The following KNDC1 variants were observed in gnomAD, a reference collection of about 807,000 sequenced individuals.
KNDC1 encodes the protein kinase non-catalytic C-lobe domain-containing protein 1.
A neutral mutation model predicts 172.8 loss-of-function variants in KNDC1; 106 were observed. That is an observed-to-expected ratio of 0.61 (90% confidence interval 0.52 to 0.72). The LOEUF (loss-of-function observed/expected upper bound fraction) is 0.72, where lower values mean the gene tolerates loss of function less well. KNDC1 is among the 30% of genes least tolerant of loss of function. KNDC1 has a pLI of 0.00. For missense variants in KNDC1, 2,325 were observed against 2,394.5 expected (o/e 0.97, Z 0.61); for synonymous variants, 1,083 against 1,062.2 (o/e 1.02, Z -0.38).
Position 133,222,172 on chromosome 10 carries a change from A to G in KNDC1, c.5018+2060A>G, listed in dbSNP as rs1428853897. ...GTGGCGGGCGCCTGTAGTCCCAGCTACTCGGGAGGCTGAGGCAGGAGAATG... is the reference window on the plus strand; with the variant it reads ...GTGGCGGGCGCCTGTAGTCCCAGCTGCTCGGGAGGCTGAGGCAGGAGAATG... On this transcript the variant is annotated intron_variant, in intron 29 of 29. Coordinates refer to ENST00000304613, the MANE Select transcript of KNDC1 (RefSeq NM_152643.8). 5.4e-5 allele frequency among the ~76,000 whole-genome samples: 8 copies of G among 149,042 alleles called. No homozygotes were observed. In the East Asian group the frequency reaches 1.6e-3, roughly 30 times the overall value.
At chr10:133,189,860 G>T in intron 9 of KNDC1, 47 bp downstream of exon 9, 1 of 1,444,748 alleles carries the variant, frequency 6.9e-7, no homozygotes, top group Non-Finnish European at 9.5e-7. Context: ...CCCAGCCCTC[G>T]GGGATGCCAC....
chr10:133,169,586 G>T (rs574289566), intron 3 of KNDC1, among the ~76,000 whole-genome samples: 1 of 152,374 alleles, frequency 6.6e-6, no homozygotes, highest in East Asian at 1.9e-4. Context: ...CTCTGCTGCG[G>T]GGGTCCTACA....
chr10:133,208,878 C>T (rs1230130650), intron 20 of KNDC1, among the ~76,000 whole-genome samples: 2 of 151,942 alleles, frequency 1.3e-5, no homozygotes, highest in Non-Finnish European at 2.9e-5. Context: ...TGTATTTAGG[C>T]TTGTATGGAG....
At chr10:133,184,572 C>A (rs1293744723) in intron 5 of KNDC1, among the ~76,000 whole-genome samples, 1 of 152,256 alleles carries the variant, frequency 6.6e-6, no homozygotes. Flanking sequence ...CTGCACACGC[C>A]CACACCAGAA....
chr10:133,219,409 G>A (rs1845535507), intron 28 of KNDC1, among the ~76,000 whole-genome samples: 1 of 152,246 alleles, frequency 6.6e-6, no homozygotes, highest in African/African-American at 2.4e-5. Flanking sequence ...CTCCAGGACG[G>A]CAGGGGTGGC....
chr10:133,177,646 CATG>C lies in KNDC1; in HGVS notation c.361-5694_361-5692del, dbSNP rs1275362886. Among the ~76,000 whole-genome samples, 49 of 151,722 alleles carry C rather than the reference CATG, an allele frequency of 3.2e-4. No individual in the cohort carries two copies. The East Asian group carries it at 5.6e-3, about 17-fold the overall frequency. On this transcript the variant is annotated intron_variant, in intron 3 of 29. Transcript: ENST00000304613. Reference sequence around the variant, plus strand: ...TAGTGTGTTGTGAGCATGTGTGTTGCATGATGTGTACATGCATGTGGTGTGTAT... The same window carrying C: ...TAGTGTGTTGTGAGCATGTGTGTTGCATGTGTACATGCATGTGGTGTGTAT...
At chr10:133,204,486 C>G (rs904398700) in intron 17 of KNDC1, among the ~76,000 whole-genome samples, 4 of 152,154 alleles carry the variant, frequency 2.6e-5, no homozygotes, top group Admixed American at 2.0e-4. Flanking sequence ...CTGCAGAGGC[C>G]TGGTCTTTAC....
At position 133,207,208 on chromosome 10, in the gene KNDC1, C is replaced by T. The variant is rs34928427; in HGVS notation, c.3651C>T (p.Pro1217=). Residue 1217 remains proline, a synonymous_variant, in exon 20 of 30, where the codon CCC becomes CCT. Coordinates refer to ENST00000304613, the MANE Select transcript of KNDC1 (RefSeq NM_152643.8). ...TGATCGTGAACATCGCGGCCGCACC[C>T]TGCGACACGCTGGACTTCAGCCCCC... ...LPVIVNIAAA[P]CDTLDFSPLD... is the part of the protein sequence containing the mutation. The T allele has an allele frequency of 1.6e-5, 26 of 1,612,100 alleles. No homozygotes were observed. Among genetic ancestry groups the T allele is most frequent in the Non-Finnish European group, 2.2e-5 (26 of 1,179,848 alleles).
At chr10:133,187,023 G>A (rs1463015919) in intron 6 of KNDC1, among the ~76,000 whole-genome samples, 2 of 152,254 alleles carry the variant, frequency 1.3e-5, no homozygotes, top group African/African-American at 4.8e-5. Flanking sequence ...GCTCCGTGAT[G>A]TCATTTCAGG....
At chr10:133,171,114 T>C (rs1032703521) in intron 3 of KNDC1, among the ~76,000 whole-genome samples, 4 of 152,270 alleles carry the variant, frequency 2.6e-5, no homozygotes, top group African/African-American at 4.8e-5. Flanking sequence ...CACTGATATT[T>C]TCTACGAAGA....
chr10:133,197,498 C>T (rs1438084220), intron 11 of KNDC1, among the ~76,000 whole-genome samples, 177 bp from the exon 12 acceptor site: 8 of 152,220 alleles, frequency 5.3e-5, no homozygotes, highest in Non-Finnish European at 5.9e-5. Context: ...GGAGCCCCAA[C>T]GGCTCCCTCT....
chr10:133,211,284 A>AC (rs960439779), intron 21 of KNDC1, 138 bp from the exon 22 acceptor site: 6 of 575,728 alleles, frequency 1.0e-5, no homozygotes, highest in East Asian at 4.2e-5. Context: ...CCCACGGAAG[A>AC]CCCCCAGCCC....
intron 29 of KNDC1, among the ~76,000 whole-genome samples, chr10:133,222,446 C>G (rs202060125): frequency 6.9e-5 from 3 of 43,252 alleles, no homozygotes; most frequent in African/African-American, 1.8e-4. Flanking sequence ...CTCTTCCCGG[C>G]GTGTGTGTGT....
Position 133,209,056 on chromosome 10 carries a change from G to T in KNDC1, c.3795-1555G>T, listed in dbSNP as rs1475782780. On this transcript the variant is annotated intron_variant, in intron 20 of 29. Transcript: ENST00000304613. This position sits in a 1 kb window ranked among gnomAD's most constrained non-coding sequence, Gnocchi z 4.9. ...CGTGTGCGGTTGTGAGGTATAGTGT[G>T]ATGTGTGTGCATGTGTGGGGTGATG... Among the ~76,000 whole-genome samples, 1 of 151,602 alleles carries T rather than the reference G, an allele frequency of 6.6e-6. No individual in the cohort carries two copies. The highest frequency in any genetic ancestry group is 1.5e-5 in the Non-Finnish European group (1 of 67,878).
intron 3 of KNDC1, among the ~76,000 whole-genome samples, chr10:133,179,636 G>A (rs1028157651): frequency 1.3e-5 from 2 of 152,176 alleles, no homozygotes; most frequent in African/African-American, 2.4e-5. Context: ...CTCAGGAATC[G>A]CATCTCGTGG....
chr10:133,210,538 C>A, intron 20 of KNDC1, 73 bp from the exon 21 acceptor site: 1 of 862,312 alleles, frequency 1.2e-6, no homozygotes, highest in Non-Finnish European at 2.0e-6. Flanking sequence ...AGTCACACCC[C>A]ACCACCGAAC....
At chr10:133,203,559 A>G (rs1034147342) in intron 17 of KNDC1, among the ~76,000 whole-genome samples, 25 of 152,202 alleles carry the variant, frequency 1.6e-4, no homozygotes, top group Middle Eastern at 3.2e-3. Context: ...TCCTCCCTTC[A>G]GCGCTGACCC....
chr10:133,199,293 A>G, intron 14 of KNDC1, 27 bp downstream of exon 14: 1 of 1,542,278 alleles, frequency 6.5e-7, no homozygotes. Context: ...GACGCCCCAG[A>G]GGAGGCCCGG....
Position 133,210,780 on chromosome 10 carries a change from C to A in KNDC1, c.3908+56C>A, listed in dbSNP as rs1215732780. The A allele has an allele frequency of 5.7e-6, 8 of 1,394,586 alleles. No individual in the cohort carries two copies. In the East Asian group the frequency reaches 1.8e-4, roughly 32 times the overall value. 86.4% of individuals were successfully genotyped at this position (1,394,586 alleles called of 1,614,324 possible). ...GAGCTTCCCCCTGGGGCAGGGTGGG[C>A]GCCCATGGGCCTGGTTTAGCCACCA... On this transcript the variant is annotated intron_variant, in intron 21 of 29. Coordinates refer to ENST00000304613, the MANE Select transcript of KNDC1 (RefSeq NM_152643.8).
Sources: allele counts gnomAD v4.1 joint callset (sites outside exome capture counted in the v4.1 genomes callset), GRCh38; gene constraint gnomAD v4.1.1; non-coding constraint Gnocchi (gnomAD v3.1); transcripts MANE v1.5; gene names NCBI Gene and HGNC (gene_info 2026-07-23, HGNC 2026-07-21).